The following PKHD1L1 variants were observed in gnomAD, a reference collection of about 807,000 sequenced individuals.
PKHD1L1 encodes the protein fibrocystin-L.
In PKHD1L1, 434 loss-of-function variants were observed where a neutral mutation model predicts 462.9. That is an observed-to-expected ratio of 0.94 (90% CI 0.87 to 1.02). PKHD1L1 has a LOEUF of 1.02. PKHD1L1 is among the 50% of genes least tolerant of loss of function. PKHD1L1 has a pLI of 0.00. For synonymous variants in PKHD1L1, 1,781 were observed against 1,750.0 expected (o/e 1.02, Z -0.44); for missense variants, 5,202 against 5,096.1 (o/e 1.02, Z -0.63).
At chr8:109,485,755 CTCATGGGAACT>C in intron 58 of PKHD1L1, among the ~76,000 whole-genome samples, 1 of 151,988 alleles carries the variant, frequency 6.6e-6, no homozygotes, top group East Asian at 1.9e-4. Context: ...GCCCATGATG[CTCATGGGAACT>C]CCAGATGCAA....
At chr8:109,489,444 G>A (rs562332861) in intron 59 of PKHD1L1, among the ~76,000 whole-genome samples, 4 of 151,962 alleles carry the variant, frequency 2.6e-5, no homozygotes, top group South Asian at 2.1e-4. Flanking sequence ...TTGTCACCTC[G>A]ATGGTACTTA....
chr8:109,510,705 A>G, intron 70 of PKHD1L1, 72 bp from the exon 71 acceptor site: 3 of 1,487,522 alleles, frequency 2.0e-6, no homozygotes, highest in Non-Finnish European at 2.7e-6. Flanking sequence ...TTTTAATACA[A>G]TTACTCTTCA....
intron 49 of PKHD1L1, among the ~76,000 whole-genome samples, chr8:109,466,145 G>A (rs990398703): frequency 2.0e-5 from 3 of 152,184 alleles, no homozygotes; most frequent in African/African-American, 7.2e-5. Flanking sequence ...TAAAGAGGGA[G>A]AATGTTTGGA....
intron 21 of PKHD1L1, 141 bp from the exon 22 acceptor site, chr8:109,418,956 T>C: frequency 1.6e-6 from 1 of 609,248 alleles, no homozygotes; most frequent in Middle Eastern, 4.5e-4. Context: ...TTACGGCTGC[T>C]TTTCTGTGCT....
chr8:109,523,733 T>C, intron 76 of PKHD1L1, among the ~76,000 whole-genome samples: 1 of 152,194 alleles, frequency 6.6e-6, no homozygotes, highest in East Asian at 1.9e-4. Context: ...GGTAGGCTCA[T>C]ATAACTTTAA....
chr8:109,455,935 C>A (rs561820167), intron 45 of PKHD1L1, among the ~76,000 whole-genome samples: 1 of 151,992 alleles, frequency 6.6e-6, no homozygotes, highest in Non-Finnish European at 1.5e-5. Flanking sequence ...ATGACAAAGA[C>A]AATAGACTTT....
At chr8:109,496,865 A>G in intron 63 of PKHD1L1, 54 bp from the exon 64 acceptor site, 1 of 1,517,590 alleles carries the variant, frequency 6.6e-7, no homozygotes, top group Non-Finnish European at 9.0e-7. Context: ...GCTTATTAAA[A>G]CTATATGACA....
At chr8:109,521,854 G>A (rs529806203) in intron 73 of PKHD1L1, among the ~76,000 whole-genome samples, 4 of 152,104 alleles carry the variant, frequency 2.6e-5, no homozygotes, top group East Asian at 1.9e-4. Context: ...AGAAATGCAT[G>A]ATAATGCTTC....
At chr8:109,433,459 C>T (rs750947076) in intron 28 of PKHD1L1, among the ~76,000 whole-genome samples, 19 of 152,138 alleles carry the variant, frequency 1.2e-4, no homozygotes, top group African/African-American at 4.1e-4. Flanking sequence ...TAATTTTATC[C>T]TTTTTCCCCC....
At chr8:109,485,391 A>G (rs1288175532) in intron 58 of PKHD1L1, among the ~76,000 whole-genome samples, 1 of 151,938 alleles carries the variant, frequency 6.6e-6, no homozygotes. Context: ...TTCAGCAAAG[A>G]CTTACTGTTT....
rs766668254 is a variant in PKHD1L1, at chr8:109,443,119, A to G, written c.4564+3A>G. The G allele has an allele frequency of 3.7e-6, 6 of 1,611,866 alleles. No homozygotes were observed. In the African/African-American group the frequency reaches 6.7e-5, roughly 18 times the overall value. ...CTCTGAAGCCACATATGCTTATGGTAAGATGGTTAAAGATGGAAACTCTGT... is the reference window on the plus strand; with the variant it reads ...CTCTGAAGCCACATATGCTTATGGTGAGATGGTTAAAGATGGAAACTCTGT... On this transcript the variant is annotated splice_donor_region_variant and intron_variant, in intron 36 of 77. Coordinates refer to ENST00000378402, the MANE Select transcript of PKHD1L1 (RefSeq NM_177531.6).
rs1315604214 is a variant in PKHD1L1, at chr8:109,422,677, C to A, written c.2697+1987C>A. On this transcript the variant is annotated intron_variant, in intron 23 of 77. Coordinates refer to ENST00000378402, the MANE Select transcript of PKHD1L1 (RefSeq NM_177531.6). ...CTATTATGAATTAAACCGCTATGAA[C>A]ATTCATCTGTAGGCTTTTGTGAGAC... 2.0e-5 allele frequency among the ~76,000 whole-genome samples: 3 copies of A among 152,126 alleles called. No individual in the cohort carries two copies. In the East Asian group the frequency reaches 5.8e-4, roughly 29 times the overall value.
In PKHD1L1 at chr8:109,522,824, G is replaced by T. The variant is rs1248276328; in HGVS notation, c.12264G>T (p.Gln4088His). ...AFVSSLLVITQPVAAQPGQPF... is the reference protein window; with the variant it reads ...AFVSSLLVITHPVAAQPGQPF... Reference sequence around the variant, plus strand: ...TGTCCTCACTCTTAGTGATCACTCAGCCGGTGGCAGCACAGCCAGGACAGC... The same window carrying T: ...TGTCCTCACTCTTAGTGATCACTCATCCGGTGGCAGCACAGCCAGGACAGC... The change falls in exon 75 of 78, where the codon CAG (glutamine) becomes CAT (histidine). Residue 4088 changes from glutamine to histidine, a missense_variant. Physicochemically the swap from Gln to His is conservative, Grantham distance 24. Around this residue, in one of 3 missense-constraint regions of PKHD1L1, gnomAD observed 698 missense variants for 736.3 expected, o/e 0.95. Coordinates refer to ENST00000378402, the MANE Select transcript of PKHD1L1 (RefSeq NM_177531.6). 2 of 1,612,236 alleles carry T rather than the reference G, an allele frequency of 1.2e-6. No homozygotes were observed. The highest frequency in any genetic ancestry group is 1.1e-5 in the South Asian group (1 of 90,850).
At chr8:109,431,800 A>G (rs985736184) in intron 27 of PKHD1L1, among the ~76,000 whole-genome samples, 1 of 152,134 alleles carries the variant, frequency 6.6e-6, no homozygotes, top group Admixed American at 6.5e-5. Flanking sequence ...CAAACCTCCT[A>G]TTGCATACGT....
rs1483079283 is a variant in PKHD1L1, at chr8:109,535,629, A to G, written c.*5539A>G. ...GTTTAAAAAGCAACAATCAAGACAC[A>G]TATCCTCCTAAGTGAATTTGAATTA... On this transcript the variant is annotated 3_prime_UTR_variant, in exon 78 of 78. Coordinates refer to ENST00000378402, the MANE Select transcript of PKHD1L1 (RefSeq NM_177531.6). 2.6e-5 allele frequency among the ~76,000 whole-genome samples: 4 copies of G among 152,266 alleles called. No homozygotes were observed. Among genetic ancestry groups the G allele is most frequent in the Admixed American group, 2.0e-4 (3 of 15,290 alleles).
chr8:109,493,161 GTC>G (rs1231366479), intron 62 of PKHD1L1, among the ~76,000 whole-genome samples: 1 of 148,730 alleles, frequency 6.7e-6, no homozygotes, highest in Non-Finnish European at 1.5e-5. Flanking sequence ...GCGAGACCCT[GTC>G]TCTCTCTCTC....
chr8:109,411,152 C>A (rs186184053), intron 19 of PKHD1L1, among the ~76,000 whole-genome samples: 1 of 151,976 alleles, frequency 6.6e-6, no homozygotes, highest in Admixed American at 6.6e-5. Flanking sequence ...AATTGCTTCT[C>A]GACATAACAC....
At chr8:109,452,670 A>C (rs566298253) in intron 42 of PKHD1L1, 48 bp from the exon 43 acceptor site, 1 of 1,285,450 alleles carries the variant, frequency 7.8e-7, no homozygotes, top group African/African-American at 1.6e-5. Context: ...CGAATGAAAA[A>C]CTCTGGTAAA....
At chr8:109,363,515 A>G (rs571390669) in intron 1 of PKHD1L1, among the ~76,000 whole-genome samples, 2 of 152,308 alleles carry the variant, frequency 1.3e-5, no homozygotes, top group South Asian at 4.1e-4. Flanking sequence ...TGAGAAATTA[A>G]TAATTTCTGT....
Sources: gnomAD v4.1 joint callset for allele counts (sites outside exome capture counted in the v4.1 genomes callset) on GRCh38, gnomAD v4.1.1 for gene constraint, gnomAD v4.1.1 regional missense constraint, MANE v1.5 for transcripts, NCBI Gene and HGNC (gene_info 2026-07-23, HGNC 2026-07-21) for gene names.